The following KMO variants were observed in gnomAD, a reference collection of about 807,000 sequenced individuals.
KMO encodes the protein kynurenine 3-hydroxylase.
Under a neutral mutation model 57.8 loss-of-function variants are expected in KMO, and 24 were observed. That is an observed-to-expected ratio of 0.42 (90% confidence interval 0.30 to 0.58). KMO has a LOEUF of 0.58. Ranked by LOEUF, KMO falls within the 20% of genes least tolerant of loss-of-function variation. The probability of loss-of-function intolerance (pLI) is 0.22; values close to 1 mark genes in which losing one functional copy is unlikely to be tolerated. For synonymous variants in KMO, 210 were observed against 193.6 expected (o/e 1.08, Z -0.70); for missense variants, 483 against 588.2 (o/e 0.82, Z 1.85).
At chr1:241,578,834 T>C (rs1212813985) in intron 10 of KMO, among the ~76,000 whole-genome samples, 20 of 152,104 alleles carry the variant, frequency 1.3e-4, no homozygotes, top group African/African-American at 1.9e-4. Context: ...ATGCACAGTT[T>C]CATGTGGCTA....
intron 1 of KMO, among the ~76,000 whole-genome samples, chr1:241,543,534 G>A (rs934515944): frequency 2.6e-5 from 4 of 152,036 alleles, no homozygotes; most frequent in African/African-American, 4.8e-5. Context: ...GCTATTCCCC[G>A]CTTTTTTGTT....
intron 10 of KMO, among the ~76,000 whole-genome samples, chr1:241,576,178 A>G (rs1662509662): frequency 6.6e-6 from 1 of 151,956 alleles, no homozygotes; most frequent in South Asian, 2.1e-4. Flanking sequence ...TCTCTTGAAG[A>G]CAGCAGACAC....
intron 1 of KMO, chr1:241,536,590 T>C: frequency 8.5e-6 from 6 of 703,370 alleles, no homozygotes; most frequent in Non-Finnish European, 1.0e-5. Context: ...AGCATTCCAG[T>C]CTCAGCTGAC....
intron 10 of KMO, among the ~76,000 whole-genome samples, chr1:241,573,221 A>T (rs1169289358): frequency 6.6e-6 from 1 of 152,090 alleles, no homozygotes; most frequent in African/African-American, 2.4e-5. Flanking sequence ...TGCTGTGCTC[A>T]AGGGATCTGC....
At chr1:241,585,639 C>G (rs544939851) in intron 10 of KMO, among the ~76,000 whole-genome samples, 25 of 151,830 alleles carry the variant, frequency 1.6e-4, no homozygotes, top group Admixed American at 4.6e-4. Flanking sequence ...CGCCTGTAAT[C>G]CTGGCTACTT....
chr1:241,562,313 T>A lies in KMO; in HGVS notation c.596T>A (p.Ile199Asn). The part of the protein sequence containing the change: ...YIPHGYMELT[I>N]PPKNGDYAME... ...CCTCATGGGTACATGGAGTTGACTA[T>A]TCCACCTAAGAACGGAGATGTAAGT... Residue 199 changes from isoleucine to asparagine, a missense_variant, in exon 7 of 15, where the codon ATT becomes AAT. Around this residue, in one of 3 missense-constraint regions of KMO, gnomAD observed 410 missense variants for 492.3 expected, o/e 0.83. Coordinates refer to ENST00000366559, the MANE Select transcript of KMO (RefSeq NM_003679.5). 1 of 1,614,118 alleles carries A rather than the reference T, an allele frequency of 6.2e-7. No homozygotes were observed. The highest frequency in any genetic ancestry group is 8.5e-7 in the Non-Finnish European group (1 of 1,179,958).
intron 1 of KMO, among the ~76,000 whole-genome samples, chr1:241,535,411 C>T (rs972128289): frequency 5.9e-5 from 9 of 152,008 alleles, no homozygotes; most frequent in African/African-American, 1.9e-4. Flanking sequence ...AGTGAACTTC[C>T]CTCAATTCTT....
At chr1:241,540,059 G>C (rs887750201) in intron 1 of KMO, among the ~76,000 whole-genome samples, 18 of 152,034 alleles carry the variant, frequency 1.2e-4, no homozygotes, top group African/African-American at 3.9e-4. Context: ...TTCATTTTTT[G>C]AAAGAAATTA....
intron 8 of KMO, among the ~76,000 whole-genome samples, chr1:241,565,652 A>C (rs1662047612): frequency 6.6e-6 from 1 of 151,828 alleles, no homozygotes; most frequent in South Asian, 2.1e-4. Context: ...TGAGCCCCGA[A>C]GATGGAGGCT....
At chr1:241,542,511 T>C (rs182848993) in intron 1 of KMO, among the ~76,000 whole-genome samples, 4 of 152,318 alleles carry the variant, frequency 2.6e-5, no homozygotes, top group Admixed American at 2.6e-4. Context: ...ATTTGCAAAA[T>C]TATTTTGTGA....
chr1:241,581,170 G>T (rs12144172), intron 10 of KMO, among the ~76,000 whole-genome samples: 19,545 of 151,824 alleles, frequency 0.13, 1,558 homozygotes, highest in East Asian at 0.22. Flanking sequence ...ATTTCCATTT[G>T]CTTGGAATAT....
At chr1:241,561,334 C>T (rs1661828761) in intron 6 of KMO, among the ~76,000 whole-genome samples, 1 of 152,320 alleles carries the variant, frequency 6.6e-6, no homozygotes, top group African/African-American at 2.4e-5. Context: ...CCTTGATCAC[C>T]TACTTCTCCC....
At chr1:241,536,492 G>A (rs761356831) in intron 1 of KMO, 221 of 985,220 alleles carry the variant, frequency 2.2e-4, no homozygotes, top group Non-Finnish European at 2.5e-4. Context: ...AGTGATCAGA[G>A]CAAAAAGGCA....
chr1:241,592,380 T>C lies in KMO; in HGVS notation c.*227T>C. On this transcript the variant is annotated 3_prime_UTR_variant, in exon 15 of 15. Transcript: ENST00000366559. Reference sequence around the variant, plus strand: ...CTACATTACACACACTCAGGTTGAGTCATTCTAACTATAAAAGTGCAATGA... The same window carrying C: ...CTACATTACACACACTCAGGTTGAGCCATTCTAACTATAAAAGTGCAATGA... 1 of 533,082 alleles carries C rather than the reference T, an allele frequency of 1.9e-6. No homozygotes were observed. The highest frequency in any genetic ancestry group is 2.1e-5 in the South Asian group (1 of 47,244). 33.0% of individuals were successfully genotyped at this position (533,082 alleles called of 1,614,324 possible).
At position 241,562,216 on chromosome 1, in the gene KMO, G is replaced by A; in HGVS notation, c.499G>A (p.Asp167Asn). The A allele has an allele frequency of 1.9e-6, 3 of 1,614,150 alleles. No individual in the cohort carries two copies. The highest frequency in any genetic ancestry group is 2.5e-6 in the Non-Finnish European group (3 of 1,179,990). The change falls in exon 7 of 15, where the codon GAT (aspartate) becomes AAT (asparagine). Residue 167 changes from aspartate to asparagine, a missense_variant. This residue lies in a region of KMO where 410 missense variants were observed against 492.3 expected (regional missense o/e 0.83). Coordinates refer to ENST00000366559, the MANE Select transcript of KMO (RefSeq NM_003679.5). ...DVTCDLIVGC[D>N]GAYSTVRSHL... is the part of the protein sequence containing the mutation. Reference sequence around the variant, plus strand: ...CACTTGTGACCTCATTGTAGGATGTGATGGAGCCTATTCAACTGTCAGATC... The same window carrying A: ...CACTTGTGACCTCATTGTAGGATGTAATGGAGCCTATTCAACTGTCAGATC...
Position 241,577,601 on chromosome 1 carries a change from C to T in KMO, c.957+8954C>T, listed in dbSNP as rs150793532. ...TGTGCTTGGTGTGTGTACAAGTTCA[C>T]GGTCTCCTATGGGGTTGGAATGGTA... On this transcript the variant is annotated intron_variant, in intron 10 of 14. Coordinates refer to ENST00000366559, the MANE Select transcript of KMO (RefSeq NM_003679.5). Among the ~76,000 whole-genome samples the T allele has an allele frequency of 2.2e-3, 328 of 152,170 alleles. 1 individual carries two copies. Among genetic ancestry groups the T allele is most frequent in the African/African-American group, 7.3e-3 (304 of 41,516 alleles).
intron 1 of KMO, among the ~76,000 whole-genome samples, chr1:241,535,267 C>T (rs1383464932): frequency 3.3e-5 from 5 of 151,708 alleles, no homozygotes; most frequent in African/African-American, 1.2e-4. Context: ...TTTTTCCACC[C>T]TCCCTTCCTA....
intron 11 of KMO, among the ~76,000 whole-genome samples, chr1:241,587,196 G>T (rs1663033390): frequency 6.6e-6 from 1 of 152,206 alleles, no homozygotes; most frequent in South Asian, 2.1e-4. Context: ...GCGTTAGTTG[G>T]ATTCTCATAA....
intron 7 of KMO, among the ~76,000 whole-genome samples, chr1:241,563,586 T>C (rs1399938112): frequency 6.6e-6 from 1 of 152,220 alleles, no homozygotes; most frequent in Non-Finnish European, 1.5e-5. Context: ...GCCCAGAATC[T>C]GATAACTCTG....
Sources: gnomAD v4.1 joint callset for allele counts (sites outside exome capture counted in the v4.1 genomes callset) on GRCh38, gnomAD v4.1.1 for gene constraint, gnomAD v4.1.1 regional missense constraint, MANE v1.5 for transcripts, NCBI Gene and HGNC (gene_info 2026-07-23, HGNC 2026-07-21) for gene names.